Variants in SDK1 observed in about 807,000 individuals in gnomAD.
The protein encoded by SDK1 is protein sidekick-1.
Under a neutral mutation model 245.5 loss-of-function variants are expected in SDK1, and 157 were observed. That is an observed-to-expected ratio of 0.64 (90% CI 0.56 to 0.73). The LOEUF is 0.73. SDK1 is among the 30% of genes least tolerant of loss of function. The probability of loss-of-function intolerance (pLI) is 0.00; values close to 1 mark genes in which losing one functional copy is unlikely to be tolerated. For synonymous variants in SDK1, 1,647 were observed against 1,278.5 expected (o/e 1.29, Z -6.15); for missense variants, 3,583 against 3,002.3 (o/e 1.19, Z -4.52).
chr7:3,414,456 A>G (rs1485607089), intron 1 of SDK1, among the ~76,000 whole-genome samples: 1 of 152,016 alleles, frequency 6.6e-6, no homozygotes, highest in Admixed American at 6.6e-5. Flanking sequence ...AAATCTGGAG[A>G]ATGTTTGTTT....
chr7:3,553,812 T>C (rs1443983531), intron 1 of SDK1, among the ~76,000 whole-genome samples: 2 of 152,158 alleles, frequency 1.3e-5, no homozygotes, highest in Admixed American at 6.5e-5. Flanking sequence ...CCTAATCCAT[T>C]CTGTGGGCCT....
intron 1 of SDK1, among the ~76,000 whole-genome samples, chr7:3,457,020 C>T (rs973500147): frequency 3.3e-5 from 5 of 152,142 alleles, no homozygotes; most frequent in Non-Finnish European, 5.9e-5. Flanking sequence ...CAAGGTGCTT[C>T]CGCAGTCCTG....
intron 17 of SDK1, among the ~76,000 whole-genome samples, chr7:4,028,261 T>C (rs565486155): frequency 6.6e-6 from 1 of 152,154 alleles, no homozygotes; most frequent in East Asian, 1.9e-4. Context: ...TCTTTAGGCA[T>C]TGATAGGTAG....
chr7:4,061,560 G>T (rs1320774914), intron 19 of SDK1, among the ~76,000 whole-genome samples: 1 of 152,084 alleles, frequency 6.6e-6, no homozygotes, highest in Non-Finnish European at 1.5e-5. Flanking sequence ...CAACCATTGT[G>T]GAAGTCAGTG....
chr7:3,862,375 C>A (rs991626908), intron 5 of SDK1, among the ~76,000 whole-genome samples: 4 of 152,150 alleles, frequency 2.6e-5, no homozygotes, highest in Non-Finnish European at 5.9e-5. Flanking sequence ...GGTGCAGTCT[C>A]GGTCTGTGTT....
At chr7:4,034,460 G>T (rs555799886) in intron 17 of SDK1, among the ~76,000 whole-genome samples, 1 of 152,266 alleles carries the variant, frequency 6.6e-6, no homozygotes, top group African/African-American at 2.4e-5. Flanking sequence ...CATGTTAGCA[G>T]CTCACTCTCA....
At chr7:3,803,041 A>C (rs1271586883) in intron 4 of SDK1, among the ~76,000 whole-genome samples, 2 of 152,206 alleles carry the variant, frequency 1.3e-5, no homozygotes, top group African/African-American at 4.8e-5. Context: ...TTTAGAAACT[A>C]CCAAAGTATT....
intron 5 of SDK1, among the ~76,000 whole-genome samples, chr7:3,905,988 C>T (rs1025924482): frequency 6.6e-6 from 1 of 151,932 alleles, no homozygotes; most frequent in South Asian, 2.1e-4. Flanking sequence ...TTTTGGTCTC[C>T]TTCTAGAACT....
At chr7:4,010,930 C>T (rs767057452) in intron 14 of SDK1, 36 bp from the exon 15 acceptor site, 6 of 1,611,080 alleles carry the variant, frequency 3.7e-6, no homozygotes, top group Non-Finnish European at 5.1e-6. Flanking sequence ...ACATGATAAG[C>T]CTGTGGGCTT....
At chr7:4,166,022 C>T (rs1290063731) in intron 32 of SDK1, among the ~76,000 whole-genome samples, 1 of 152,156 alleles carries the variant, frequency 6.6e-6, no homozygotes, top group Non-Finnish European at 1.5e-5. Context: ...CTCCTGGACT[C>T]AAGCGATCCT....
At chr7:4,140,930 C>T (rs968378820) in intron 28 of SDK1, among the ~76,000 whole-genome samples, 2 of 152,140 alleles carry the variant, frequency 1.3e-5, no homozygotes, top group African/African-American at 4.8e-5. Context: ...AGTGAGACCC[C>T]ATCTCTATTT....
intron 1 of SDK1, among the ~76,000 whole-genome samples, chr7:3,346,740 C>A (rs1176579642): frequency 8.8e-6 from 1 of 113,238 alleles, no homozygotes; most frequent in Non-Finnish European, 1.7e-5. Context: ...TATATATACA[C>A]GTATATATAT....
intron 1 of SDK1, among the ~76,000 whole-genome samples, chr7:3,531,193 A>C (rs535039889): frequency 6.6e-6 from 1 of 152,312 alleles, no homozygotes; most frequent in East Asian, 1.9e-4. Flanking sequence ...GTTGATCTTC[A>C]GTGTGGAACT....
intron 4 of SDK1, among the ~76,000 whole-genome samples, chr7:3,760,695 G>C (rs898019540): frequency 4.6e-5 from 7 of 152,186 alleles, no homozygotes; most frequent in African/African-American, 1.7e-4. Context: ...TGTGGTGTTT[G>C]GGATTGTGTC....
rs187257960 is a variant in SDK1 at position 3,449,536 on chromosome 7, C to G, written c.298+147652C>G. Among the ~76,000 whole-genome samples the G allele has an allele frequency of 4.6e-5, 7 of 152,258 alleles. No homozygotes were observed. In the East Asian group the frequency reaches 1.2e-3, roughly 25 times the overall value. On this transcript the variant is annotated intron_variant, in intron 1 of 44. Transcript: ENST00000404826. Reference sequence around the variant, plus strand: ...TATATGTTGAATTAGGTTAGATCATCTTTATAATTAGAAGTAGGCTTTTGG... The same window carrying G: ...TATATGTTGAATTAGGTTAGATCATGTTTATAATTAGAAGTAGGCTTTTGG...
chr7:3,339,696 A>G (rs1005906324), intron 1 of SDK1, among the ~76,000 whole-genome samples: 2 of 152,108 alleles, frequency 1.3e-5, no homozygotes, highest in African/African-American at 2.4e-5. Flanking sequence ...AAATGAAAAT[A>G]TGTTATTAAA....
At chr7:3,448,718 C>CT (rs922040764) in intron 1 of SDK1, among the ~76,000 whole-genome samples, 4 of 152,094 alleles carry the variant, frequency 2.6e-5, no homozygotes, top group African/African-American at 9.7e-5. Flanking sequence ...ATAAACCACC[C>CT]TTTCTTTCTG....
chr7:3,966,619 GATCCTAGAAAGC>G (rs748991081), intron 9 of SDK1, among the ~76,000 whole-genome samples: 1 of 152,056 alleles, frequency 6.6e-6, no homozygotes, highest in Admixed American at 6.5e-5. Flanking sequence ...TCTCAGAACA[GATCCTAGAAAGC>G]ATCCTAGAAA....
chr7:3,452,804 G>A, intron 1 of SDK1, among the ~76,000 whole-genome samples: 1 of 152,164 alleles, frequency 6.6e-6, no homozygotes, highest in East Asian at 1.9e-4. Flanking sequence ...CTTGCAGGGT[G>A]TTGTGATAAG....
Sources: gnomAD v4.1 joint callset for allele counts (sites outside exome capture counted in the v4.1 genomes callset) on GRCh38, gnomAD v4.1.1 for gene constraint, MANE v1.5 for transcripts, NCBI Gene and HGNC (gene_info 2026-07-23, HGNC 2026-07-21) for gene names.